The following CCDC93 variants were observed in gnomAD, a reference collection of about 807,000 sequenced individuals.
CCDC93 encodes CCC complex scaffolding subunit CCDC93.
CCDC93 carries 61 observed loss-of-function variants against 108.2 expected under a neutral mutation model. The ratio of observed to expected loss-of-function variants is 0.56; its 90% confidence interval spans 0.46 to 0.70. The LOEUF (loss-of-function observed/expected upper bound fraction) is 0.70, where lower values mean the gene tolerates loss of function less well. Among genes scored for constraint, CCDC93 ranks in the 30% least tolerant of loss-of-function variants. The pLI, the probability that CCDC93 is intolerant of heterozygous loss-of-function variation, is 0.00. For missense variants in CCDC93, 685 were observed against 764.2 expected, an observed-to-expected ratio of 0.90 and a Z score of 1.22; for synonymous variants, 276 against 260.4, an observed-to-expected ratio of 1.06 and a Z score of -0.58.
chr2:118,012,456 T>C (rs1381198243), intron 1 of CCDC93: 3 of 152,134 alleles, frequency 2.0e-5, no homozygotes, highest in African/African-American at 7.2e-5. Flanking sequence ...CAGCAGCAGG[T>C]TGCTCTTCAT....
At chr2:117,960,492 A>C (rs1255787440) in intron 11 of CCDC93, among the ~76,000 whole-genome samples, 2 of 152,166 alleles carry the variant, frequency 1.3e-5, no homozygotes, top group Non-Finnish European at 2.9e-5. Context: ...CTTGCTCATA[A>C]ACTGCTTTTA....
chr2:117,940,465 C>G (rs1482572634), intron 19 of CCDC93, among the ~76,000 whole-genome samples: 1 of 152,142 alleles, frequency 6.6e-6, no homozygotes, highest in African/African-American at 2.4e-5. Flanking sequence ...GGGTTCAGAT[C>G]AGGAAAGGGG....
intron 23 of CCDC93, among the ~76,000 whole-genome samples, chr2:117,921,286 G>A (rs1321758458): frequency 6.6e-6 from 1 of 151,900 alleles, no homozygotes; most frequent in Non-Finnish European, 1.5e-5. Flanking sequence ...CCCATCCTCT[G>A]CCTGTAGAAT....
chr2:118,001,945 G>A (rs537997167), intron 3 of CCDC93, among the ~76,000 whole-genome samples: 8 of 152,258 alleles, frequency 5.3e-5, no homozygotes, highest in Middle Eastern at 3.4e-3. Flanking sequence ...TGACCCCAAA[G>A]CCATGGTATG....
intron 12 of CCDC93, among the ~76,000 whole-genome samples, chr2:117,956,810 AG>A (rs1679232045): frequency 6.6e-6 from 1 of 152,208 alleles, no homozygotes; most frequent in South Asian, 2.1e-4. Context: ...ATGATTGGGC[AG>A]GACCATTTGA....
intron 21 of CCDC93, chr2:117,935,789 T>C (rs1016052587): frequency 4.9e-6 from 2 of 409,654 alleles, no homozygotes; most frequent in Non-Finnish European, 8.6e-6. Flanking sequence ...CCTGGTCTTA[T>C]AATTGCATGT....
At chr2:117,935,430 TC>T in intron 22 of CCDC93, 64 bp downstream of exon 22, 1 of 1,266,748 alleles carries the variant, frequency 7.9e-7, no homozygotes, top group Non-Finnish European at 1.2e-6. Context: ...GGCCTTTTCT[TC>T]CCAGGACCTT....
At chr2:117,983,633 TATATATATATATATATATATATATATA>T (rs1680222100) in intron 7 of CCDC93, among the ~76,000 whole-genome samples, 3 of 115,688 alleles carry the variant, frequency 2.6e-5, no homozygotes, top group Non-Finnish European at 5.5e-5. Flanking sequence ...CTCAAAATTA[TATATATATATATATATATATATATATA>T]TATATATATA....
intron 4 of CCDC93, chr2:117,999,568 G>A (rs1228167741): frequency 6.6e-6 from 1 of 152,166 alleles, no homozygotes. Flanking sequence ...ATGCCTAGAG[G>A]GGAAGAGAAG....
rs957336437 is a variant in CCDC93, at chr2:117,936,579, C to G, written c.1643+123G>C. ...GCAGAAGGGCTAAAAGAGTAAGAAT[C>G]ACATACCCAGTGTTAAGTCTTGCAT... On this transcript the variant is annotated intron_variant, in intron 21 of 23. Coordinates refer to ENST00000376300, the MANE Select transcript of CCDC93 (RefSeq NM_019044.5). 4 of 800,584 alleles carry G rather than the reference C, an allele frequency of 5.0e-6. No homozygotes were observed. The African/African-American group carries it at 6.8e-5, about 14-fold the overall frequency. 49.6% of individuals were successfully genotyped at this position (800,584 alleles called of 1,614,324 possible).
intron 1 of CCDC93, among the ~76,000 whole-genome samples, chr2:118,009,437 T>TG: frequency 6.7e-6 from 1 of 149,368 alleles, no homozygotes; most frequent in South Asian, 2.1e-4. Flanking sequence ...GGAGGCCAAG[T>TG]GGGGGTGCCG....
chr2:117,981,371 C>G (rs1680109914), intron 7 of CCDC93, among the ~76,000 whole-genome samples: 1 of 152,194 alleles, frequency 6.6e-6, no homozygotes, highest in Non-Finnish European at 1.5e-5. Context: ...CTGTCCTCAA[C>G]TGCCTATTAA....
Position 117,986,044 on chromosome 2 carries a change from T to C in CCDC93, c.545A>G (p.Tyr182Cys). ...CTCCTCTGCTCCCTGGTGGCGTTTG[T>C]ATTTCCGACGGGGCTTGTACACTTC... ...LSEVYKPRRK[Y>C]KRHQGAEELL... The change falls in exon 7 of 24, where the codon TAC (tyrosine) becomes TGC (cysteine). Residue 182 changes from tyrosine (Y) to cysteine (C), a missense_variant. Coordinates refer to ENST00000376300, the MANE Select transcript of CCDC93 (RefSeq NM_019044.5). 1 of 1,613,396 alleles carries C rather than the reference T, an allele frequency of 6.2e-7. No individual in the cohort carries two copies. The highest frequency in any genetic ancestry group is 2.2e-5 in the East Asian group (1 of 44,862).
chr2:117,990,647 A>C (rs1680449055), intron 6 of CCDC93, among the ~76,000 whole-genome samples: 1 of 149,180 alleles, frequency 6.7e-6, no homozygotes, highest in African/African-American at 2.5e-5. Flanking sequence ...AAAAAAAAAA[A>C]CAGAGATACA....
rs1046991950 is a variant in CCDC93, at chr2:117,946,807, T to C, written c.1296+4A>G. ...AGTCTCAAGGACTAATTCAGAGCCT[T>C]TACCTTTTCATCTCCACGTGGTGCT... On this transcript the variant is annotated splice_donor_region_variant and intron_variant, in intron 16 of 23. Coordinates refer to ENST00000376300, the MANE Select transcript of CCDC93 (RefSeq NM_019044.5). 4 of 1,609,038 alleles carry C rather than the reference T, an allele frequency of 2.5e-6. No homozygotes were observed. The South Asian group carries it at 3.3e-5, about 13-fold the overall frequency.
chr2:117,959,877 T>C (rs1041208020), intron 11 of CCDC93, among the ~76,000 whole-genome samples: 1 of 152,230 alleles, frequency 6.6e-6, no homozygotes, highest in Non-Finnish European at 1.5e-5. Flanking sequence ...CACCAAGATA[T>C]TCACAACTTG....
chr2:117,999,784 A>T (rs1197680552), intron 4 of CCDC93: 1 of 152,218 alleles, frequency 6.6e-6, no homozygotes, highest in Non-Finnish European at 1.5e-5. Context: ...TAGTTATGTT[A>T]TACTGTATTT....
chr2:117,958,857 T>C (rs1322347198), intron 11 of CCDC93, among the ~76,000 whole-genome samples: 2 of 152,242 alleles, frequency 1.3e-5, no homozygotes, highest in Non-Finnish European at 2.9e-5. Context: ...ATTGATTCAC[T>C]GTGATCGAAG....
intron 14 of CCDC93, 125 bp downstream of exon 14, chr2:117,949,197 G>T: frequency 1.5e-6 from 1 of 682,198 alleles, no homozygotes. Context: ...AAAATGATCT[G>T]ACCTGCAGGG....
Sources: gnomAD v4.1 joint callset for allele counts (sites outside exome capture counted in the v4.1 genomes callset) on GRCh38, gnomAD v4.1.1 for gene constraint, MANE v1.5 for transcripts, NCBI Gene and HGNC (gene_info 2026-07-23, HGNC 2026-07-21) for gene names.